USH2A: variants seen among roughly 807,000 people sequenced by gnomAD.
USH2A encodes the protein Usher syndrome 2A (autosomal recessive, mild).
In USH2A, 443 loss-of-function variants were observed where a neutral mutation model predicts 538.9. That is an observed-to-expected ratio of 0.82 (90% CI 0.76 to 0.89). USH2A has a LOEUF of 0.89. Ranked by LOEUF, USH2A falls within the 40% of genes least tolerant of loss-of-function variation. The probability of loss-of-function intolerance (pLI) is 0.00; values close to 1 mark genes in which losing one functional copy is unlikely to be tolerated. For synonymous variants in USH2A, 2,413 were observed against 2,273.5 expected (o/e 1.06, Z -1.75); for missense variants, 6,633 against 6,324.8 (o/e 1.05, Z -1.65).
At chr1:216,293,042 T>TGG (rs2037033460) in intron 9 of USH2A, among the ~76,000 whole-genome samples, 1 of 149,318 alleles carries the variant, frequency 6.7e-6, no homozygotes, top group African/African-American at 2.5e-5. Context: ...TTTTTTTTTT[T>TGG]GAGATGGAGT....
intron 11 of USH2A, among the ~76,000 whole-genome samples, chr1:216,272,977 A>G (rs2036604356): frequency 6.6e-6 from 1 of 152,110 alleles, no homozygotes; most frequent in African/African-American, 2.4e-5. Flanking sequence ...TCTAAATCCC[A>G]GGATAAAAGC....
At chr1:215,683,625 G>A (rs147474524) in intron 61 of USH2A, among the ~76,000 whole-genome samples, 409 of 152,220 alleles carry the variant, frequency 2.7e-3, no homozygotes, top group African/African-American at 9.6e-3. Context: ...GAGATGTAGC[G>A]TTCTGTCTTA....
chr1:216,091,105 T>C (rs1046957404), intron 22 of USH2A, among the ~76,000 whole-genome samples: 1 of 152,188 alleles, frequency 6.6e-6, no homozygotes, highest in African/African-American at 2.4e-5. Context: ...TAGAATATCA[T>C]TTTTTGAAGA....
chr1:215,853,752 G>A (rs1340809494), intron 44 of USH2A, among the ~76,000 whole-genome samples: 1 of 152,146 alleles, frequency 6.6e-6, no homozygotes, highest in Non-Finnish European at 1.5e-5. Context: ...GCAAAATGCT[G>A]CCAGTCTCTT....
At chr1:216,075,913 A>AT (rs1241435019) in intron 27 of USH2A, among the ~76,000 whole-genome samples, 1 of 152,052 alleles carries the variant, frequency 6.6e-6, no homozygotes, top group Non-Finnish European at 1.5e-5. Flanking sequence ...GAAAAAAAAA[A>AT]GGTGCTAATT....
At chr1:216,403,466 G>T (rs902376985) in intron 3 of USH2A, among the ~76,000 whole-genome samples, 24 of 151,880 alleles carry the variant, frequency 1.6e-4, no homozygotes, top group Non-Finnish European at 1.0e-4. Context: ...ACTACATATT[G>T]GAAAGATTAA....
chr1:216,287,537 T>A (rs1366532266), intron 11 of USH2A, among the ~76,000 whole-genome samples: 1 of 152,138 alleles, frequency 6.6e-6, no homozygotes, highest in African/African-American at 2.4e-5. Flanking sequence ...TGGCCTTTTT[T>A]TTTTCTTAGT....
At chr1:216,206,229 A>G (rs2035107921) in intron 16 of USH2A, among the ~76,000 whole-genome samples, 1 of 152,164 alleles carries the variant, frequency 6.6e-6, no homozygotes, top group South Asian at 2.1e-4. Flanking sequence ...GTCTTCCAGT[A>G]TTTGTAAATT....
At chr1:216,146,803 G>C (rs536441592) in intron 21 of USH2A, among the ~76,000 whole-genome samples, 87 of 151,932 alleles carry the variant, frequency 5.7e-4, no homozygotes, top group African/African-American at 2.1e-3. Context: ...CTTCACTATG[G>C]GCAACCTTCC....
chr1:215,902,308 C>T (rs1665522243), intron 38 of USH2A, among the ~76,000 whole-genome samples: 1 of 152,106 alleles, frequency 6.6e-6, no homozygotes, highest in Admixed American at 6.6e-5. Flanking sequence ...AACAATGAGG[C>T]TAATGAATGA....
chr1:215,675,085 T>C lies in USH2A; in HGVS notation c.12826A>G (p.Met4276Val), dbSNP rs1377387002. The part of the protein sequence containing the change: ...LSPPVISYVS[M>V]NPQKLLISWI... ...GAAATCAGCAGTTTTTGGGGATTCA[T>C]AGAAACATAGGATATCACAGGTGGA... The change falls in exon 63 of 72, where the codon ATG becomes GTG. Residue 4276 changes from methionine to valine, a missense_variant. Met to Val is a conservative substitution (Grantham distance 21). Coordinates refer to ENST00000307340, the MANE Select transcript of USH2A (RefSeq NM_206933.4). 1.9e-6 allele frequency: 3 copies of C among 1,614,042 alleles called. No individual in the cohort carries two copies. Among genetic ancestry groups the C allele is most frequent in the Non-Finnish European group, 2.5e-6 (3 of 1,180,032 alleles).
intron 48 of USH2A, 133 bp from the exon 49 acceptor site, chr1:215,814,037 TTTAAAAATGTA>T (rs1393244014): frequency 4.8e-6 from 5 of 1,049,086 alleles, no homozygotes; most frequent in Non-Finnish European, 6.9e-6. Flanking sequence ...ATTTCGTTGG[TTTAAAAATGTA>T]TTTTCCAGGA....
intron 55 of USH2A, among the ~76,000 whole-genome samples, chr1:215,777,364 C>A (rs1226092431): frequency 2.0e-5 from 3 of 152,146 alleles, no homozygotes; most frequent in Non-Finnish European, 2.9e-5. Flanking sequence ...TGAATTTGGT[C>A]TGTTGGTGTA....
intron 9 of USH2A, among the ~76,000 whole-genome samples, chr1:216,319,062 A>G (rs148900191): frequency 7.5e-4 from 114 of 152,352 alleles, no homozygotes; most frequent in African/African-American, 2.7e-3. Flanking sequence ...AACATATCAT[A>G]TGAAGGTATT....
At chr1:215,912,481 A>ACG (rs1481674162) in intron 38 of USH2A, among the ~76,000 whole-genome samples, 622 of 19,456 alleles carry the variant, frequency 0.032, 8 homozygotes, top group African/African-American at 0.11. Context: ...ATATACGTAT[A>ACG]TATATATATG....
At position 215,830,658 on chromosome 1, in the gene USH2A, C is replaced by T. The variant is rs577885315; in HGVS notation, c.9371+7333G>A. 3.6e-4 allele frequency among the ~76,000 whole-genome samples: 55 copies of T among 152,256 alleles called. No individual in the cohort carries two copies. The South Asian group carries it at 5.0e-3, about 14-fold the overall frequency. The stretch of plus-strand genomic sequence containing the variant: ...GAAGCTAATTTTATGAATGAACGAA[C>T]GCAAGTCCTGACTCAACTCCAAGCT... On this transcript the variant is annotated intron_variant, in intron 47 of 71. Coordinates refer to ENST00000307340, the MANE Select transcript of USH2A (RefSeq NM_206933.4).
chr1:216,331,678 G>A (rs2037865579), intron 4 of USH2A, among the ~76,000 whole-genome samples: 1 of 152,020 alleles, frequency 6.6e-6, no homozygotes, highest in Non-Finnish European at 1.5e-5. Context: ...AGTTAAATGA[G>A]TAATAATTTA....
intron 67 of USH2A, among the ~76,000 whole-genome samples, chr1:215,643,732 G>A (rs1305203148): frequency 6.6e-6 from 1 of 152,060 alleles, no homozygotes; most frequent in Non-Finnish European, 1.5e-5. Context: ...GTCTTGATAT[G>A]TTGCCCAGGC....
intron 50 of USH2A, among the ~76,000 whole-genome samples, chr1:215,791,460 G>T (rs1661979157): frequency 6.6e-6 from 1 of 152,064 alleles, no homozygotes; most frequent in African/African-American, 2.4e-5. Flanking sequence ...AGTAGACATT[G>T]GTTTGGCACA....
Sources: gnomAD v4.1 joint callset for allele counts (sites outside exome capture counted in the v4.1 genomes callset) on GRCh38, gnomAD v4.1.1 for gene constraint, MANE v1.5 for transcripts, NCBI Gene and HGNC (gene_info 2026-07-23, HGNC 2026-07-21) for gene names.